The following ADAM19 variants were observed in gnomAD, a reference collection of about 807,000 sequenced individuals.
ADAM19 encodes the protein disintegrin and metalloproteinase domain-containing protein 19.
A neutral mutation model predicts 114.7 loss-of-function variants in ADAM19; 65 were observed. The observed-to-expected ratio is 0.57, with a 90% CI of 0.46 to 0.70. The LOEUF is 0.70. Ranked by LOEUF, ADAM19 falls within the 30% of genes least tolerant of loss-of-function variation. The probability of loss-of-function intolerance (pLI) is 0.00; values close to 1 mark genes in which losing one functional copy is unlikely to be tolerated. For missense variants in ADAM19, 1,063 were observed against 1,204.7 expected (o/e 0.88, Z 1.74); for synonymous variants, 466 against 460.5 (o/e 1.01, Z -0.15).
chr5:157,527,752 C>T (rs1311879593), intron 5 of ADAM19, among the ~76,000 whole-genome samples: 2 of 152,080 alleles, frequency 1.3e-5, no homozygotes, highest in South Asian at 2.1e-4. Flanking sequence ...CTAGTAACAA[C>T]GGCTGTCTCT....
chr5:157,513,298 G>A (rs1431241430), intron 8 of ADAM19, 136 bp downstream of exon 8: 7 of 752,620 alleles, frequency 9.3e-6, no homozygotes, highest in African/African-American at 3.5e-5. Context: ...TGTCATGACC[G>A]CCCTGGGCCT....
Position 157,478,476 on chromosome 5 carries a change from C to G in ADAM19, c.*2473G>C. ...ATTCCCATAAGGCCCCTTCCTCTCC[C>G]TTTTGCAATATTCCCTTTCCCCTTC... On this transcript the variant is annotated 3_prime_UTR_variant, in exon 23 of 23. Coordinates refer to ENST00000257527, the MANE Select transcript of ADAM19 (RefSeq NM_033274.5). 1 of 777,300 alleles carries G rather than the reference C, an allele frequency of 1.3e-6. No individual in the cohort carries two copies. 48.2% of individuals were successfully genotyped at this position (777,300 alleles called of 1,614,324 possible).
chr5:157,574,500 G>C (rs1757917238), intron 1 of ADAM19, among the ~76,000 whole-genome samples: 1 of 152,188 alleles, frequency 6.6e-6, no homozygotes, highest in African/African-American at 2.4e-5. Context: ...ACTGTCGGAA[G>C]AGCTCTCAGC....
At chr5:157,557,742 G>A (rs559155625) in intron 3 of ADAM19, among the ~76,000 whole-genome samples, 1 of 152,248 alleles carries the variant, frequency 6.6e-6, no homozygotes, top group South Asian at 2.1e-4. Context: ...TCACCTGGTG[G>A]AAAAGGTGAG....
At chr5:157,540,636 A>G (rs6881397) in intron 3 of ADAM19, among the ~76,000 whole-genome samples, 89,591 of 151,998 alleles carry the variant, frequency 0.59, 28,246 homozygotes, top group African/African-American at 0.82. Flanking sequence ...GCACCTAGCA[A>G]GCAGGCAGTA....
At chr5:157,499,429 C>A (rs1581303040) in intron 13 of ADAM19, 144 bp downstream of exon 13, 3 of 724,934 alleles carry the variant, frequency 4.1e-6, no homozygotes, top group East Asian at 2.7e-5. Flanking sequence ...ATTCAAGGCA[C>A]CTTTTCCGCT....
At chr5:157,569,812 C>G (rs1757773191) in intron 2 of ADAM19, among the ~76,000 whole-genome samples, 1 of 152,196 alleles carries the variant, frequency 6.6e-6, no homozygotes, top group African/African-American at 2.4e-5. Flanking sequence ...AAAAACCCCT[C>G]TCCCCAGCTT....
chr5:157,513,433 C>A lies in ADAM19; in HGVS notation c.738+1G>T. 6.2e-7 allele frequency: 1 copy of A among 1,613,788 alleles called. No homozygotes were observed. The highest frequency in any genetic ancestry group is 1.1e-5 in the South Asian group (1 of 91,070). ...CCCACAAAGTACACACCTGGTCTCA[C>A]CTTATCAACATAGTTGGCGATCTCT... is the stretch of plus-strand genomic sequence containing the variant. On this transcript the variant is annotated splice_donor_variant, in intron 8 of 22. Coordinates refer to ENST00000257527, the MANE Select transcript of ADAM19 (RefSeq NM_033274.5). LOFTEE classifies it high-confidence loss of function.
At chr5:157,524,827 G>T (rs1034048513) in intron 5 of ADAM19, among the ~76,000 whole-genome samples, 4 of 152,238 alleles carry the variant, frequency 2.6e-5, no homozygotes, top group East Asian at 1.9e-4. Context: ...GACTGAATAG[G>T]CAATATTTAC....
At chr5:157,520,378 G>C (rs192692276) in intron 5 of ADAM19, among the ~76,000 whole-genome samples, 1 of 148,520 alleles carries the variant, frequency 6.7e-6, no homozygotes, top group African/African-American at 2.5e-5. Flanking sequence ...GGCTGTACCT[G>C]TGACACTTAA....
intron 3 of ADAM19, among the ~76,000 whole-genome samples, chr5:157,548,942 T>C (rs1380704882): frequency 6.6e-6 from 1 of 152,140 alleles, no homozygotes; most frequent in Non-Finnish European, 1.5e-5. Flanking sequence ...TATCCATAAA[T>C]CCGTCTGCAT....
At chr5:157,556,203 C>CTTTTTTTTTTT (rs1561555558) in intron 3 of ADAM19, among the ~76,000 whole-genome samples, 1 of 77,314 alleles carries the variant, frequency 1.3e-5, no homozygotes, top group Non-Finnish European at 2.6e-5. Context: ...GTTTTTTTTT[C>CTTTTTTTTTTT]TTTTTCTTTT....
intron 7 of ADAM19, among the ~76,000 whole-genome samples, chr5:157,516,145 A>G (rs987920947): frequency 3.9e-5 from 6 of 152,188 alleles, no homozygotes; most frequent in African/African-American, 1.4e-4. Context: ...CAGAGGATGG[A>G]GACAGGTGGA....
At chr5:157,558,501 T>A (rs1014972132) in intron 3 of ADAM19, among the ~76,000 whole-genome samples, 1 of 152,238 alleles carries the variant, frequency 6.6e-6, no homozygotes, top group Non-Finnish European at 1.5e-5. Flanking sequence ...TGCAACTCAG[T>A]GAAGCATGGT....
chr5:157,494,347 G>T (rs369509851), intron 15 of ADAM19, among the ~76,000 whole-genome samples: 87 of 152,262 alleles, frequency 5.7e-4, no homozygotes, highest in African/African-American at 1.3e-3. Context: ...ATGAATGAAT[G>T]AGTGAATTAA....
At chr5:157,526,741 C>T (rs190703608) in intron 5 of ADAM19, among the ~76,000 whole-genome samples, 219 of 152,134 alleles carry the variant, frequency 1.4e-3, no homozygotes, top group Admixed American at 2.7e-3. Flanking sequence ...CTGCCTCAGC[C>T]TCCCAAATAG....
Position 157,501,158 on chromosome 5 carries a change from T to C in ADAM19, c.1309-1496A>G, listed in dbSNP as rs530163800. Among the ~76,000 whole-genome samples the C allele has an allele frequency of 5.9e-5, 9 of 152,232 alleles. No homozygotes were observed. The South Asian group carries it at 1.9e-3, about 32-fold the overall frequency. Reference sequence around the variant, plus strand: ...CTTTCCTCCCATTATTCTCCCACCATGTTGGGCTCCAGGAAGACCTGTATT... The same window carrying C: ...CTTTCCTCCCATTATTCTCCCACCACGTTGGGCTCCAGGAAGACCTGTATT... On this transcript the variant is annotated intron_variant, in intron 12 of 22. Coordinates refer to ENST00000257527, the MANE Select transcript of ADAM19 (RefSeq NM_033274.5).
chr5:157,502,848 G>A lies in ADAM19; in HGVS notation c.1263C>T (p.Asn421=), dbSNP rs1755613102. The A allele has an allele frequency of 5.0e-6, 8 of 1,613,856 alleles. No homozygotes were observed. Among genetic ancestry groups the A allele is most frequent in the East Asian group, 2.2e-5 (1 of 44,896 alleles). ...ACTCTTCCCCATCTTCCAGATACCC[G>A]TTCCCACACCTCCGGCCTCCATACA... ...RMLYGGRRCG[N]GYLEDGEECD... is the part of the protein sequence containing the mutation. The change falls in exon 12 of 23, where the codon AAC becomes AAT. Residue 421 remains asparagine (N), a synonymous_variant. Transcript: ENST00000257527.
intron 1 of ADAM19, among the ~76,000 whole-genome samples, chr5:157,573,003 C>T (rs374207548): frequency 6.6e-5 from 10 of 152,178 alleles, no homozygotes; most frequent in African/African-American, 2.4e-4. Flanking sequence ...CAGTGCACTC[C>T]AGCCTGAGTG....
Sources: allele counts gnomAD v4.1 joint callset (sites outside exome capture counted in the v4.1 genomes callset), GRCh38; gene constraint gnomAD v4.1.1; transcripts MANE v1.5; gene names NCBI Gene and HGNC (gene_info 2026-07-23, HGNC 2026-07-21).